ADRA1D: variants seen among roughly 807,000 people sequenced by gnomAD.
ADRA1D encodes adrenoceptor alpha 1D, also known as alpha-1D adrenergic receptor.
In ADRA1D, 22 loss-of-function variants were observed where a neutral mutation model predicts 18.6. That is an observed-to-expected ratio of 1.19 (90% confidence interval 0.85 to 1.69). The LOEUF is 1.69. Ranked by LOEUF, ADRA1D falls within the 40% of genes most tolerant of loss-of-function variation. ADRA1D has a pLI of 0.00. For synonymous variants in ADRA1D, 376 were observed against 388.2 expected (o/e 0.97, Z 0.37); for missense variants, 840 against 840.7 (o/e 1.00, Z 0.01).
chr20:4,243,896 AG>A, intron 1 of ADRA1D, among the ~76,000 whole-genome samples: 1 of 152,284 alleles, frequency 6.6e-6, no homozygotes, highest in East Asian at 1.9e-4. Flanking sequence ...GGCAGCTGGA[AG>A]TGTAGGGGAT....
chr20:4,224,513 C>G (rs1264879162), intron 1 of ADRA1D, among the ~76,000 whole-genome samples: 1 of 152,026 alleles, frequency 6.6e-6, no homozygotes, highest in Non-Finnish European at 1.5e-5. Context: ...CTCACTCACC[C>G]TCAGCAGCAG....
chr20:4,221,058 TAAG>T lies in ADRA1D; in HGVS notation c.*462_*464del, dbSNP rs1486857098. 3 of 153,418 alleles carry T rather than the reference TAAG, an allele frequency of 2.0e-5. No individual in the cohort carries two copies. Among genetic ancestry groups the T allele is most frequent in the African/African-American group, 7.2e-5 (3 of 41,474 alleles). 9.5% of individuals were successfully genotyped at this position (153,418 alleles called of 1,614,324 possible). A position where few individuals can be genotyped will look rare whatever the true frequency, so the allele number is the denominator to read the frequency against. On this transcript the variant is annotated 3_prime_UTR_variant, in exon 2 of 2. Transcript: ENST00000379453. ...TCCACTGGGTTCCTCCAGTTGGCAG[TAAG>T]AAGGAGAAATTTGTCCACTGAGGAG...
intron 1 of ADRA1D, among the ~76,000 whole-genome samples, chr20:4,226,252 C>T (rs55826409): frequency 0.018 from 2,694 of 152,342 alleles, 31 homozygotes; most frequent in Non-Finnish European, 0.029. Context: ...AGTCCTTACA[C>T]GAGAAGGAGC....
intron 1 of ADRA1D, among the ~76,000 whole-genome samples, chr20:4,244,622 T>C (rs988416889): frequency 1.3e-5 from 2 of 152,168 alleles, no homozygotes; most frequent in African/African-American, 2.4e-5. Context: ...CCCCAAAAGT[T>C]GCTGCTCAGT....
Position 4,248,187 on chromosome 20 carries a change from G to A in ADRA1D, c.771C>T (p.Phe257=). Residue 257 remains phenylalanine (F), a synonymous_variant, in exon 1 of 2, where the codon TTC becomes TTT. Transcript: ENST00000379453. ...GITEEAGYAV[F]SSVCSFYLPM... is the part of the protein sequence containing the mutation. ...GCAGGTAGAAGGAGCACACGGAGGAGAAGACAGCGTAGCCCGCCTCCTCGG... is the reference window on the plus strand; with the variant it reads ...GCAGGTAGAAGGAGCACACGGAGGAAAAGACAGCGTAGCCCGCCTCCTCGG... 2 of 1,587,658 alleles carry A rather than the reference G, an allele frequency of 1.3e-6. No homozygotes were observed. The highest frequency in any genetic ancestry group is 1.7e-6 in the Non-Finnish European group (2 of 1,167,038).
Position 4,248,489 on chromosome 20 carries a change from C to T in ADRA1D, c.469G>A (p.Glu157Lys). Reference sequence around the variant, plus strand: ...CCAAAGGCCCAGAAGCCCAGAACCTCCATGGTGGCCGAGAAGGGCAGTACG... The same window carrying T: ...CCAAAGGCCCAGAAGCCCAGAACCTTCATGGTGGCCGAGAAGGGCAGTACG... Reference protein sequence around the residue: ...ATVLPFSATMEVLGFWAFGRA... With the variant: ...ATVLPFSATMKVLGFWAFGRA... The change falls in exon 1 of 2, where the codon GAG becomes AAG. Residue 157 changes from glutamate to lysine, a missense_variant. Coordinates refer to ENST00000379453, the MANE Select transcript of ADRA1D (RefSeq NM_000678.4). 1.9e-6 allele frequency: 3 copies of T among 1,613,644 alleles called. No individual in the cohort carries two copies. The highest frequency in any genetic ancestry group is 2.5e-6 in the Non-Finnish European group (3 of 1,179,866).
chr20:4,248,481 C>A lies in ADRA1D; in HGVS notation c.477G>T (p.Leu159=). ...AGGCGCGGCCAAAGGCCCAGAAGCC[C>A]AGAACCTCCATGGTGGCCGAGAAGG... ...VLPFSATMEV[L]GFWAFGRAFC... The change falls in exon 1 of 2, where the codon CTG becomes CTT. Residue 159 remains leucine, a synonymous_variant. Coordinates refer to ENST00000379453, the MANE Select transcript of ADRA1D (RefSeq NM_000678.4). 6.2e-7 allele frequency: 1 copy of A among 1,613,540 alleles called. No individual in the cohort carries two copies. Among genetic ancestry groups the A allele is most frequent in the Non-Finnish European group, 8.5e-7 (1 of 1,179,840 alleles).
chr20:4,245,123 A>G (rs182007342), intron 1 of ADRA1D, among the ~76,000 whole-genome samples: 1 of 152,376 alleles, frequency 6.6e-6, no homozygotes, highest in Admixed American at 6.5e-5. Flanking sequence ...GTGGACCTCA[A>G]AGAAAGCAGT....
chr20:4,226,886 C>T (rs527420763), intron 1 of ADRA1D, among the ~76,000 whole-genome samples: 5 of 152,300 alleles, frequency 3.3e-5, no homozygotes, highest in African/African-American at 4.8e-5. Flanking sequence ...TCACAGATGC[C>T]GGTTTGAATT....
chr20:4,235,337 G>C (rs1047899756), intron 1 of ADRA1D, among the ~76,000 whole-genome samples: 1 of 152,216 alleles, frequency 6.6e-6, no homozygotes, highest in African/African-American at 2.4e-5. Flanking sequence ...CCATAGGCCT[G>C]TCCCGCATCC....
At chr20:4,223,960 G>C (rs1416525295) in intron 1 of ADRA1D, among the ~76,000 whole-genome samples, 1 of 152,174 alleles carries the variant, frequency 6.6e-6, no homozygotes, top group African/African-American at 2.4e-5. Context: ...TGTGCATGTA[G>C]GGTGGCAGCC....
Position 4,223,842 on chromosome 20 carries a change from A to ATG in ADRA1D, c.1112-1714_1112-1713dup, listed in dbSNP as rs1326447052. ...TTAAGGTAGACCAGGGTAAGCTATGATGTTCAGTAGGTTATATGTATTAAA... is the reference window on the plus strand; with the variant it reads ...TTAAGGTAGACCAGGGTAAGCTATGATGTGTTCAGTAGGTTATATGTATTAAA... On this transcript the variant is annotated intron_variant, in intron 1 of 1. Transcript: ENST00000379453. 6.6e-5 allele frequency among the ~76,000 whole-genome samples: 10 copies of ATG among 152,316 alleles called. No homozygotes were observed. The East Asian group carries it at 1.9e-3, about 29-fold the overall frequency.
At chr20:4,225,428 C>CTTTTTTTTTTTTTTTTTT (rs11474446) in intron 1 of ADRA1D, among the ~76,000 whole-genome samples, 3 of 119,516 alleles carry the variant, frequency 2.5e-5, no homozygotes, top group South Asian at 2.7e-4. Context: ...TTTTTTCTTT[C>CTTTTTTTTTTTTTTTTTT]TTTTTTTTTT....
At chr20:4,241,132 C>T (rs573307242) in intron 1 of ADRA1D, among the ~76,000 whole-genome samples, 9 of 151,982 alleles carry the variant, frequency 5.9e-5, no homozygotes, top group African/African-American at 1.9e-4. Flanking sequence ...TTATGCTAAG[C>T]GAAATAAGCC....
chr20:4,242,581 A>T (rs1981237633), intron 1 of ADRA1D, among the ~76,000 whole-genome samples: 1 of 152,214 alleles, frequency 6.6e-6, no homozygotes, highest in Admixed American at 6.5e-5. Context: ...ACAGACTCAC[A>T]AGATAGGAGA....
At position 4,248,017 on chromosome 20, in the gene ADRA1D, C is replaced by A; in HGVS notation, c.941G>T (p.Gly314Val). 2.6e-6 allele frequency: 4 copies of A among 1,555,676 alleles called. No individual in the cohort carries two copies. The highest frequency in any genetic ancestry group is 3.5e-6 in the Non-Finnish European group (4 of 1,150,740). Residue 314 changes from glycine (G) to valine (V), a missense_variant, in exon 1 of 2, where the codon GGC becomes GTC. Coordinates refer to ENST00000379453, the MANE Select transcript of ADRA1D (RefSeq NM_000678.4). Reference protein sequence around the residue: ...LRIHCRGAATGADGAHGMRSA... With the variant: ...LRIHCRGAATVADGAHGMRSA... ...GCGCATGCCGTGCGCCCCGTCGGCG[C>A]CCGTGGCCGCGCCGCGACAGTGGAT...
chr20:4,234,879 C>T (rs1025393008), intron 1 of ADRA1D, among the ~76,000 whole-genome samples: 6 of 152,124 alleles, frequency 3.9e-5, no homozygotes, highest in South Asian at 2.1e-4. Context: ...GGGTACCTGA[C>T]AAGTTGGAGA....
chr20:4,248,764 T>C lies in ADRA1D; in HGVS notation c.194A>G (p.Asn65Ser). The change falls in exon 1 of 2, where the codon AAC (asparagine) becomes AGC (serine). Residue 65 changes from asparagine to serine, a missense_variant. Physicochemically the swap from Asn to Ser is conservative, Grantham distance 46 (BLOSUM62 1). Transcript: ENST00000379453. ...CCCCGGCTCCCCCGCGGAGCTCCGGTTGTCCTCGCCGCTGCCTGCGCCCAC... is the reference window on the plus strand; with the variant it reads ...CCCCGGCTCCCCCGCGGAGCTCCGGCTGTCCTCGCCGCTGCCTGCGCCCAC... ...GVVGAGSGED[N>S]RSSAGEPGSA... 1.4e-6 allele frequency: 2 copies of C among 1,441,786 alleles called. No homozygotes were observed. Among genetic ancestry groups the C allele is most frequent in the South Asian group, 1.5e-5 (1 of 68,630 alleles). The allele number at this position is 1,441,786 out of a possible 1,614,324, so 89.3% of individuals were successfully genotyped here. A position where few individuals can be genotyped will look rare whatever the true frequency, so the allele number is the denominator to read the frequency against.
chr20:4,228,145 T>G (rs970993278), intron 1 of ADRA1D, among the ~76,000 whole-genome samples: 10 of 152,168 alleles, frequency 6.6e-5, no homozygotes, highest in Non-Finnish European at 1.2e-4. Context: ...TAGCTGAGAC[T>G]CCTACTCACC....
Sources: allele counts gnomAD v4.1 joint callset (sites outside exome capture counted in the v4.1 genomes callset), GRCh38; gene constraint gnomAD v4.1.1; transcripts MANE v1.5; gene names NCBI Gene and HGNC (gene_info 2026-07-23, HGNC 2026-07-21).